The following DMXL1 variants were observed in gnomAD, a reference collection of about 807,000 sequenced individuals.
DMXL1 encodes Dmx like 1.
A neutral mutation model predicts 319.2 loss-of-function variants in DMXL1; 99 were observed. The ratio of observed to expected loss-of-function variants is 0.31; its 90% CI spans 0.26 to 0.37. The LOEUF is 0.37. DMXL1 is among the 10% of genes least tolerant of loss of function. The pLI is 1.00. For missense variants in DMXL1, 3,745 were observed against 3,595.6 expected (o/e 1.04, Z -1.06); for synonymous variants, 1,385 against 1,235.2 (o/e 1.12, Z -2.54).
chr5:119,220,902 G>T (rs1340058708), intron 36 of DMXL1, 38 bp from the exon 37 acceptor site: 2 of 1,592,456 alleles, frequency 1.3e-6, no homozygotes, highest in African/African-American at 1.4e-5. Context: ...AGAAAGAAAT[G>T]ATGAGTTGTT....
At chr5:119,072,878 C>T (rs1749946555) in intron 1 of DMXL1, among the ~76,000 whole-genome samples, 1 of 152,140 alleles carries the variant, frequency 6.6e-6, no homozygotes, top group Non-Finnish European at 1.5e-5. Flanking sequence ...CTCTGAGGGT[C>T]CCAGTGAGCA....
intron 19 of DMXL1, among the ~76,000 whole-genome samples, chr5:119,161,236 C>T (rs926224487): frequency 9.2e-5 from 14 of 152,220 alleles, no homozygotes; most frequent in Non-Finnish European, 1.5e-4. Context: ...TGTTGCTGCT[C>T]TCTAGGTTCT....
In DMXL1 at chr5:119,159,233, G is replaced by T. The variant is rs1771739220; in HGVS notation, c.4703-5274G>T. ...CTGCAACTTCTGCCCCCGGGTTTCA[G>T]GTGATTCTCCTACTTCAGCCTCCTG... On this transcript the variant is annotated intron_variant, in intron 19 of 43. Transcript: ENST00000539542. Among the ~76,000 whole-genome samples, 3 of 151,982 alleles carry T rather than the reference G, an allele frequency of 2.0e-5. No individual in the cohort carries two copies. In the South Asian group the frequency reaches 6.2e-4, roughly 31 times the overall value.
intron 43 of DMXL1, among the ~76,000 whole-genome samples, chr5:119,245,366 G>A (rs1460893470): frequency 6.6e-6 from 1 of 152,110 alleles, no homozygotes; most frequent in African/African-American, 2.4e-5. Flanking sequence ...TTTAAAACCA[G>A]CAAATTGTTT....
At chr5:119,198,767 C>G (rs988084931) in intron 32 of DMXL1, among the ~76,000 whole-genome samples, 2 of 152,142 alleles carry the variant, frequency 1.3e-5, no homozygotes, top group African/African-American at 4.8e-5. Context: ...GGTACTGGTA[C>G]AAAAATAGAC....
rs571788673 is a variant in DMXL1 at position 119,093,724 on chromosome 5, G to C, written c.88-4255G>C. 4.6e-5 allele frequency among the ~76,000 whole-genome samples: 7 copies of C among 152,130 alleles called. No homozygotes were observed. In the South Asian group the frequency reaches 1.5e-3, roughly 32 times the overall value. ...ATTGTGCTAGTTAGCTGTTGTAAAT[G>C]CAAAGGGAAAATTCCAAAGGAAACT... On this transcript the variant is annotated intron_variant, in intron 1 of 43. Transcript: ENST00000539542.
Position 119,071,453 on chromosome 5 carries a change from C to A in DMXL1, c.-117C>A, listed in dbSNP as rs920788376. Reference sequence around the variant, plus strand: ...CTCCGGCTCCAGGCGCCTGTCGCTGCTTCTGCCGTCGCCACCGAAGAGCGG... The same window carrying A: ...CTCCGGCTCCAGGCGCCTGTCGCTGATTCTGCCGTCGCCACCGAAGAGCGG... On this transcript the variant is annotated 5_prime_UTR_variant, in exon 1 of 44. Coordinates refer to ENST00000539542, the MANE Select transcript of DMXL1 (RefSeq NM_001290321.3). 153 of 1,031,028 alleles carry A rather than the reference C, an allele frequency of 1.5e-4. 1 individual carries two copies. Among genetic ancestry groups the A allele is most frequent in the Middle Eastern group, 5.4e-4 (2 of 3,738 alleles). The allele number at this position is 1,031,028 out of a possible 1,614,324, so 63.9% of individuals were successfully genotyped here.
intron 10 of DMXL1, among the ~76,000 whole-genome samples, chr5:119,131,565 C>T (rs762094069): frequency 6.6e-6 from 1 of 152,150 alleles, no homozygotes; most frequent in Non-Finnish European, 1.5e-5. Flanking sequence ...AACTCAGTCC[C>T]AATTTTAGTT....
intron 1 of DMXL1, among the ~76,000 whole-genome samples, chr5:119,081,959 ACTGT>A (rs1752272927): frequency 7.0e-6 from 1 of 143,204 alleles, no homozygotes; most frequent in South Asian, 2.2e-4. Context: ...TTGATTGCTG[ACTGT>A]CATAACTATT....
At chr5:119,126,103 G>C (rs1040158052) in intron 9 of DMXL1, among the ~76,000 whole-genome samples, 3 of 152,060 alleles carry the variant, frequency 2.0e-5, no homozygotes, top group African/African-American at 7.2e-5. Flanking sequence ...GGCCAACATG[G>C]TGAAACCCCG....
intron 18 of DMXL1, among the ~76,000 whole-genome samples, chr5:119,150,663 A>T (rs1769575254): frequency 1.3e-5 from 2 of 151,882 alleles, no homozygotes; most frequent in South Asian, 4.2e-4. Context: ...ATGGTGCCTC[A>T]TGCCTATAGT....
At chr5:119,201,050 G>A (rs1445528884) in intron 32 of DMXL1, among the ~76,000 whole-genome samples, 1 of 152,102 alleles carries the variant, frequency 6.6e-6, no homozygotes, top group Non-Finnish European at 1.5e-5. Context: ...CTATGTGGAT[G>A]CCTTTTATTT....
At chr5:119,202,202 T>C (rs1780827091) in intron 32 of DMXL1, among the ~76,000 whole-genome samples, 3 of 152,192 alleles carry the variant, frequency 2.0e-5, no homozygotes, top group South Asian at 2.1e-4. Context: ...GATGTGGACA[T>C]TTAGTGCTGT....
chr5:119,184,840 G>A (rs1777414617), intron 28 of DMXL1, among the ~76,000 whole-genome samples: 1 of 152,090 alleles, frequency 6.6e-6, no homozygotes, highest in Non-Finnish European at 1.5e-5. Context: ...GTTCCGTTGT[G>A]TGTGTATACT....
At chr5:119,135,037 C>T (rs556004650) in intron 13 of DMXL1, among the ~76,000 whole-genome samples, 3 of 152,298 alleles carry the variant, frequency 2.0e-5, no homozygotes, top group Admixed American at 6.5e-5. Flanking sequence ...TGTTAATGCT[C>T]GGCTTACAGA....
chr5:119,144,025 T>A (rs1767988521), intron 14 of DMXL1, 95 bp downstream of exon 14: 2 of 760,950 alleles, frequency 2.6e-6, no homozygotes, highest in Middle Eastern at 3.4e-4. Context: ...GAAAATTTGC[T>A]ATATATTTAC....
intron 32 of DMXL1, among the ~76,000 whole-genome samples, chr5:119,202,806 G>A (rs999875095): frequency 8.8e-5 from 13 of 148,218 alleles, no homozygotes; most frequent in African/African-American, 2.0e-4. Flanking sequence ...AGCCAAGATC[G>A]CCCTGTTGCA....
intron 34 of DMXL1, among the ~76,000 whole-genome samples, chr5:119,212,640 C>A (rs889106441): frequency 6.6e-6 from 1 of 152,030 alleles, no homozygotes; most frequent in African/African-American, 2.4e-5. Context: ...TCTCTTTTAG[C>A]GTTAATATTT....
chr5:119,216,969 T>G lies in DMXL1; in HGVS notation c.7995T>G (p.Thr2665=). The G allele has an allele frequency of 6.3e-7, 1 of 1,590,188 alleles. No individual in the cohort carries two copies. The highest frequency in any genetic ancestry group is 8.6e-7 in the Non-Finnish European group (1 of 1,165,580). The change falls in exon 35 of 44, where the codon ACT becomes ACG. Residue 2665 remains threonine (T), a synonymous_variant. Transcript: ENST00000539542. The part of the protein sequence containing the change: ...RIIHKESDII[T]AFAVNKANRN... ...TTCATAAGGAATCTGATATCATTAC[T>G]GCGTTTGCTGTTAATAAGGTAAGTA...
Sources: allele counts gnomAD v4.1 joint callset (sites outside exome capture counted in the v4.1 genomes callset), GRCh38; gene constraint gnomAD v4.1.1; transcripts MANE v1.5; gene names NCBI Gene and HGNC (gene_info 2026-07-23, HGNC 2026-07-21).